Variants in ZRANB1 observed in about 807,000 individuals in gnomAD.
The protein encoded by ZRANB1 is zinc finger RANBP2-type containing 1, also known as ubiquitin thioesterase ZRANB1.
Under a neutral mutation model 80.5 loss-of-function variants are expected in ZRANB1, and 16 were observed. That is an observed-to-expected ratio of 0.20 (90% CI 0.13 to 0.30). ZRANB1 has a LOEUF of 0.30. Among genes scored for constraint, ZRANB1 ranks in the 10% least tolerant of loss-of-function variants. The probability of loss-of-function intolerance (pLI) is 1.00; values close to 1 mark genes in which losing one functional copy is unlikely to be tolerated. For missense variants in ZRANB1, 576 were observed against 862.6 expected, an observed-to-expected ratio of 0.67 and a Z score of 4.16; for synonymous variants, 291 against 293.1, an observed-to-expected ratio of 0.99 and a Z score of 0.07.
rs1432061020 is a variant in ZRANB1 at position 124,988,090 on chromosome 10, C to T, written c.*3098C>T. The T allele has an allele frequency of 2.6e-5, 4 of 152,414 alleles. No homozygotes were observed. Among genetic ancestry groups the T allele is most frequent in the African/African-American group, 9.7e-5 (4 of 41,374 alleles). The allele number at this position is 152,414 out of a possible 1,614,324, so 9.4% of individuals were successfully genotyped here. Reference sequence around the variant, plus strand: ...TTTGTTTTTTTTTGAATTGATTTAGCACTAACCCACCATTGCATCTTAAGG... The same window carrying T: ...TTTGTTTTTTTTTGAATTGATTTAGTACTAACCCACCATTGCATCTTAAGG... On this transcript the variant is annotated 3_prime_UTR_variant, in exon 9 of 9. Coordinates refer to ENST00000359653, the MANE Select transcript of ZRANB1 (RefSeq NM_017580.3).
chr10:124,951,422 C>G (rs1477557477), intron 1 of ZRANB1, among the ~76,000 whole-genome samples: 1 of 152,004 alleles, frequency 6.6e-6, no homozygotes, highest in Non-Finnish European at 1.5e-5. Flanking sequence ...AGAAAATTAC[C>G]ATGTCAAAAC....
chr10:124,920,213 C>T, the ZRANB1 span, among the ~76,000 whole-genome samples: 1 of 152,216 alleles, frequency 6.6e-6, no homozygotes, highest in African/African-American at 2.4e-5. Context: ...GCGTGAGCCA[C>T]CGCACTCGGC....
chr10:124,920,058 G>T, the ZRANB1 span, among the ~76,000 whole-genome samples: 2 of 151,766 alleles, frequency 1.3e-5, no homozygotes, highest in Non-Finnish European at 2.9e-5. Flanking sequence ...TAGCTGCTGG[G>T]ATTACAGGCG....
chr10:124,922,492 A>ATTT, the ZRANB1 span, among the ~76,000 whole-genome samples: 1 of 132,138 alleles, frequency 7.6e-6, no homozygotes. Context: ...CACCTGGCTA[A>ATTT]TTTTTTTTTT....
chr10:124,975,865 G>T lies in ZRANB1; in HGVS notation c.1427+1467G>T, dbSNP rs1340173580. Among the ~76,000 whole-genome samples, 6 of 152,122 alleles carry T rather than the reference G, an allele frequency of 3.9e-5. No individual in the cohort carries two copies. In the East Asian group the frequency reaches 1.2e-3, roughly 29 times the overall value. The stretch of plus-strand genomic sequence containing the variant: ...AAAAATACAAAAATTAGCCAGGTGT[G>T]GTGGTGCATGCCTATAATCCCAGCT... On this transcript the variant is annotated intron_variant, in intron 5 of 8. Coordinates refer to ENST00000359653, the MANE Select transcript of ZRANB1 (RefSeq NM_017580.3).
chr10:124,982,037 T>C (rs147169025), intron 6 of ZRANB1, among the ~76,000 whole-genome samples: 2 of 149,058 alleles, frequency 1.3e-5, no homozygotes, highest in Admixed American at 6.6e-5. Flanking sequence ...AAGTATAGAT[T>C]AGCATCGCAA....
chr10:124,942,624 G>A lies in ZRANB1; in HGVS notation c.131G>A (p.Ser44Asn). Residue 44 changes from serine to asparagine, a missense_variant, in exon 1 of 9, where the codon AGT (serine) becomes AAT (asparagine). Coordinates refer to ENST00000359653, the MANE Select transcript of ZRANB1 (RefSeq NM_017580.3). Reference protein sequence around the residue: ...GTIITEDPFKSGSSDVGRDWD... With the variant: ...GTIITEDPFKNGSSDVGRDWD... ...ATTATTACAGAAGATCCATTTAAAA[G>A]TGGTTCAAGTGATGTTGGTAGAGAT... 6.2e-7 allele frequency: 1 copy of A among 1,614,228 alleles called. No individual in the cohort carries two copies. The highest frequency in any genetic ancestry group is 8.5e-7 in the Non-Finnish European group (1 of 1,180,040).
upstream of ZRANB1, among the ~76,000 whole-genome samples, chr10:124,937,165 A>G (rs1160247388): frequency 6.6e-6 from 1 of 150,620 alleles, no homozygotes; most frequent in Non-Finnish European, 1.5e-5. Flanking sequence ...TTGCACTTGA[A>G]GAGAATTATT....
the ZRANB1 span, among the ~76,000 whole-genome samples, chr10:124,923,021 G>C: frequency 1.3e-5 from 2 of 152,098 alleles, no homozygotes; most frequent in African/African-American, 4.8e-5. Flanking sequence ...GGGCGCAGTG[G>C]CTCACTCCTG....
At chr10:124,917,288 G>A in the ZRANB1 span, 1 of 152,388 alleles carries the variant, frequency 6.6e-6, no homozygotes, top group African/African-American at 2.4e-5. Flanking sequence ...CGGGCCCCGG[G>A]GGGCGCCCCA....
At chr10:124,928,651 G>A in the ZRANB1 span, among the ~76,000 whole-genome samples, 4 of 152,174 alleles carry the variant, frequency 2.6e-5, no homozygotes, top group East Asian at 1.9e-4. Flanking sequence ...ATTGTTAAAC[G>A]TATACGAAAT....
intron 1 of ZRANB1, among the ~76,000 whole-genome samples, chr10:124,951,697 C>A (rs1303467575): frequency 6.6e-6 from 1 of 152,202 alleles, no homozygotes; most frequent in Non-Finnish European, 1.5e-5. Context: ...TGGCTCATGC[C>A]TGTAATCCCA....
the ZRANB1 span, among the ~76,000 whole-genome samples, chr10:124,927,897 C>G: frequency 2.6e-5 from 4 of 152,210 alleles, no homozygotes; most frequent in African/African-American, 9.6e-5. Flanking sequence ...ATTAGCTGGG[C>G]GTGGTGGCAC....
At chr10:124,956,858 G>T (rs1209130759) in intron 1 of ZRANB1, among the ~76,000 whole-genome samples, 1 of 152,134 alleles carries the variant, frequency 6.6e-6, no homozygotes, top group East Asian at 1.9e-4. Context: ...CTTTGACCTA[G>T]ATTTTCCAGT....
At chr10:124,980,900 C>G (rs1455829270) in intron 5 of ZRANB1, among the ~76,000 whole-genome samples, 4 of 152,304 alleles carry the variant, frequency 2.6e-5, no homozygotes, top group African/African-American at 9.6e-5. Context: ...TGAGTTACCA[C>G]ACGTGTTCAC....
the ZRANB1 span, among the ~76,000 whole-genome samples, chr10:124,920,275 C>T: frequency 6.6e-6 from 1 of 152,162 alleles, no homozygotes; most frequent in African/African-American, 2.4e-5. Flanking sequence ...CTCTTCCTTT[C>T]CAATAATAAT....
the ZRANB1 span, among the ~76,000 whole-genome samples, chr10:124,918,959 C>G: frequency 6.6e-6 from 1 of 152,086 alleles, no homozygotes; most frequent in African/African-American, 2.4e-5. Flanking sequence ...TGTTTCGATA[C>G]CTTTTATTAA....
the ZRANB1 span, among the ~76,000 whole-genome samples, chr10:124,929,178 G>T: frequency 1.7e-4 from 26 of 152,096 alleles, no homozygotes; most frequent in Non-Finnish European, 4.4e-5. Context: ...AGTATCAGTG[G>T]TAGCTAGCTA....
chr10:124,984,889 T>C lies in ZRANB1; in HGVS notation c.2024T>C (p.Leu675Pro). The C allele has an allele frequency of 6.2e-7, 1 of 1,613,954 alleles. No homozygotes were observed. Among genetic ancestry groups the C allele is most frequent in the Non-Finnish European group, 8.5e-7 (1 of 1,179,998 alleles). The change falls in exon 9 of 9, where the codon CTG (leucine) becomes CCG (proline). Residue 675 changes from leucine to proline, a missense_variant. Coordinates refer to ENST00000359653, the MANE Select transcript of ZRANB1 (RefSeq NM_017580.3). Reference protein sequence around the residue: ...QKSSRRRNHPLVTQMVEKWLD... With the variant: ...QKSSRRRNHPPVTQMVEKWLD... ...AGTTCTCGGCGGCGAAATCACCCCC[T>C]GGTCACTCAGATGGTAGAAAAATGG...
Sources: gnomAD v4.1 joint callset for allele counts (sites outside exome capture counted in the v4.1 genomes callset) on GRCh38, gnomAD v4.1.1 for gene constraint, MANE v1.5 for transcripts, NCBI Gene and HGNC (gene_info 2026-07-23, HGNC 2026-07-21) for gene names.